CSMD1: variants seen among roughly 807,000 people sequenced by gnomAD.
CSMD1 encodes CUB and Sushi multiple domains 1.
Under a neutral mutation model 417.5 loss-of-function variants are expected in CSMD1, and 213 were observed. That is an observed-to-expected ratio of 0.51 (90% CI 0.46 to 0.57). CSMD1 has a LOEUF of 0.57. Ranked by LOEUF, CSMD1 falls within the 20% of genes least tolerant of loss-of-function variation. The pLI is 0.00. For synonymous variants in CSMD1, 2,862 were observed against 1,736.8 expected, an observed-to-expected ratio of 1.65 and a Z score of -16.11; for missense variants, 6,923 against 4,529.7, an observed-to-expected ratio of 1.53 and a Z score of -15.17.
At chr8:3,002,120 G>A (rs535502561) in intron 52 of CSMD1, among the ~76,000 whole-genome samples, 2 of 152,260 alleles carry the variant, frequency 1.3e-5, no homozygotes, top group African/African-American at 4.8e-5. Context: ...CAGTCAATCG[G>A]ATCAATAAGT....
chr8:4,628,431 CATATACACAT>C (rs1307314329), intron 2 of CSMD1, among the ~76,000 whole-genome samples: 4 of 70,226 alleles, frequency 5.7e-5, no homozygotes, highest in African/African-American at 8.4e-5. Context: ...TATATATACA[CATATACACAT>C]ATATACACAT....
intron 25 of CSMD1, among the ~76,000 whole-genome samples, chr8:3,306,665 G>C (rs905403410): frequency 6.7e-5 from 9 of 134,126 alleles, no homozygotes; most frequent in African/African-American, 3.1e-4. Flanking sequence ...CAATGAAACA[G>C]AAAGGTTAAT....
rs142187537 is a variant in CSMD1, at chr8:4,361,754, G to C, written c.415+58199C>G. Among the ~76,000 whole-genome samples, 1,128 of 152,222 alleles carry C rather than the reference G, an allele frequency of 7.4e-3. 13 individuals are homozygous for C. Among genetic ancestry groups the C allele is most frequent in the African/African-American group, 0.026 (1,074 of 41,540 alleles). On this transcript the variant is annotated intron_variant, in intron 3 of 69. Coordinates refer to ENST00000635120, the MANE Select transcript of CSMD1 (RefSeq NM_033225.6). ...GCGGATCACGAGGTCAGGAGATCGA[G>C]ACCATCCTGGCTAACACGGTGAAAC...
chr8:3,235,747 A>T (rs1300682388), intron 26 of CSMD1, among the ~76,000 whole-genome samples: 1 of 152,028 alleles, frequency 6.6e-6, no homozygotes, highest in East Asian at 1.9e-4. Context: ...TCATTTTTGA[A>T]AGTACCTTTT....
intron 3 of CSMD1, among the ~76,000 whole-genome samples, chr8:4,206,957 T>G (rs117772867): frequency 6.6e-6 from 1 of 152,308 alleles, no homozygotes; most frequent in East Asian, 1.9e-4. Flanking sequence ...AAATGCCTAT[T>G]TCATATAGAT....
At chr8:3,721,288 A>G (rs1802156757) in intron 6 of CSMD1, among the ~76,000 whole-genome samples, 1 of 152,120 alleles carries the variant, frequency 6.6e-6, no homozygotes, top group East Asian at 1.9e-4. Flanking sequence ...AGGATCTGAG[A>G]TGAGTGGCCA....
chr8:4,051,720 G>A (rs1047522183), intron 3 of CSMD1, among the ~76,000 whole-genome samples: 1 of 152,132 alleles, frequency 6.6e-6, no homozygotes, highest in African/African-American at 2.4e-5. Context: ...GAGAAGGCAA[G>A]CAGGGATTAA....
At chr8:4,220,467 T>C (rs1341046192) in intron 3 of CSMD1, among the ~76,000 whole-genome samples, 1 of 152,208 alleles carries the variant, frequency 6.6e-6, no homozygotes, top group Non-Finnish European at 1.5e-5. Flanking sequence ...GAAGACCTCA[T>C]GCATTAATTT....
chr8:3,277,840 A>G (rs1802420716), intron 26 of CSMD1, among the ~76,000 whole-genome samples: 1 of 152,204 alleles, frequency 6.6e-6, no homozygotes, highest in Admixed American at 6.5e-5. Context: ...ATTATGTCCA[A>G]GGGTTACATT....
intron 2 of CSMD1, among the ~76,000 whole-genome samples, chr8:4,606,035 A>C (rs1235030015): frequency 6.6e-6 from 1 of 152,174 alleles, no homozygotes; most frequent in Non-Finnish European, 1.5e-5. Flanking sequence ...GAATGGTTGG[A>C]GTCTATTTCT....
At chr8:3,151,904 G>C (rs530963361) in intron 39 of CSMD1, among the ~76,000 whole-genome samples, 4 of 152,164 alleles carry the variant, frequency 2.6e-5, no homozygotes, top group Non-Finnish European at 4.4e-5. Flanking sequence ...ACTGTGCCTA[G>C]ATAAATACAT....
In CSMD1 at chr8:4,372,495, A is replaced by G. The variant is rs989411785; in HGVS notation, c.415+47458T>C. ...AAGTGTCACTTAAAACAACAACAACAAAAAACAGAAAAAAAGTCCTCTAAT... is the reference window on the plus strand; with the variant it reads ...AAGTGTCACTTAAAACAACAACAACGAAAAACAGAAAAAAAGTCCTCTAAT... On this transcript the variant is annotated intron_variant, in intron 3 of 69. Transcript: ENST00000635120. 6.6e-5 allele frequency among the ~76,000 whole-genome samples: 10 copies of G among 152,014 alleles called. No individual in the cohort carries two copies. The East Asian group carries it at 1.9e-3, about 29-fold the overall frequency.
chr8:4,637,574 C>T lies in CSMD1; in HGVS notation c.86-16G>A, dbSNP rs1351360079. The T allele has an allele frequency of 1.9e-6, 3 of 1,545,658 alleles. No individual in the cohort carries two copies. The highest frequency in any genetic ancestry group is 2.7e-6 in the Non-Finnish European group (3 of 1,130,870). ...CAGTTCTGACCTGGAAGAGAAAACA[C>T]ACACAAAAAAGCATATTATTCTGGC... On this transcript the variant is annotated splice_polypyrimidine_tract_variant and intron_variant, in intron 1 of 69. Transcript: ENST00000635120.
chr8:4,489,229 A>G (rs955485564), intron 2 of CSMD1, among the ~76,000 whole-genome samples: 19 of 152,184 alleles, frequency 1.2e-4, no homozygotes, highest in Admixed American at 1.1e-3. Context: ...TACTTCTTAC[A>G]TATTTTCTAC....
At chr8:4,227,256 G>A (rs1801415322) in intron 3 of CSMD1, among the ~76,000 whole-genome samples, 1 of 152,124 alleles carries the variant, frequency 6.6e-6, no homozygotes, top group Non-Finnish European at 1.5e-5. Flanking sequence ...TAGCAACATG[G>A]ACGAGCAAGA....
chr8:4,533,460 G>A (rs1410274893), intron 2 of CSMD1, among the ~76,000 whole-genome samples: 1 of 152,188 alleles, frequency 6.6e-6, no homozygotes, highest in Non-Finnish European at 1.5e-5. Flanking sequence ...GATGGGCAGA[G>A]GCCTAGATCC....
intron 1 of CSMD1, among the ~76,000 whole-genome samples, chr8:4,822,881 T>A (rs1168270297): frequency 6.6e-6 from 1 of 152,140 alleles, no homozygotes; most frequent in African/African-American, 2.4e-5. Flanking sequence ...TAATATGTTA[T>A]GTTAATGTGA....
intron 3 of CSMD1, among the ~76,000 whole-genome samples, chr8:4,365,275 CTG>C (rs1277621507): frequency 1.3e-5 from 2 of 152,130 alleles, no homozygotes; most frequent in African/African-American, 2.4e-5. Context: ...TAAAGAAAAA[CTG>C]TAAGTGTAAA....
intron 3 of CSMD1, among the ~76,000 whole-genome samples, chr8:4,162,610 G>C (rs1797236665): frequency 1.3e-5 from 2 of 151,898 alleles, no homozygotes; most frequent in Admixed American, 1.3e-4. Context: ...AGTTTTTCTA[G>C]GTTCACAAAA....
Sources: allele counts gnomAD v4.1 joint callset (sites outside exome capture counted in the v4.1 genomes callset), GRCh38; gene constraint gnomAD v4.1.1; transcripts MANE v1.5; gene names NCBI Gene and HGNC (gene_info 2026-07-23, HGNC 2026-07-21).